Variants in NAALADL2 observed in about 807,000 individuals in gnomAD.
NAALADL2 encodes the protein inactive N-acetylated-alpha-linked acidic dipeptidase-like protein 2.
In NAALADL2, 76 loss-of-function variants were observed where a neutral mutation model predicts 87.2. The ratio of observed to expected loss-of-function variants is 0.87; its 90% CI spans 0.72 to 1.05. The LOEUF (loss-of-function observed/expected upper bound fraction) is 1.05. Ranked by LOEUF, NAALADL2 falls within the 50% of genes least tolerant of loss-of-function variation. The pLI is 0.00. For missense variants in NAALADL2, 1,089 were observed against 945.8 expected (o/e 1.15, Z -1.99); for synonymous variants, 354 against 331.0 (o/e 1.07, Z -0.75).
intron 2 of NAALADL2, among the ~76,000 whole-genome samples, chr3:175,184,644 G>T (rs1312059784): frequency 6.6e-6 from 1 of 151,970 alleles, no homozygotes; most frequent in Non-Finnish European, 1.5e-5. Context: ...GTGCTTTATA[G>T]ATTTTTGTAG....
chr3:175,316,959 T>C (rs1759220693), intron 4 of NAALADL2, among the ~76,000 whole-genome samples: 2 of 152,192 alleles, frequency 1.3e-5, no homozygotes, highest in Non-Finnish European at 2.9e-5. Context: ...GAGCCAAATT[T>C]GACAGCATTG....
chr3:174,450,397 G>T (rs756580440), intron 1 of NAALADL2, among the ~76,000 whole-genome samples: 7 of 152,176 alleles, frequency 4.6e-5, no homozygotes, highest in Non-Finnish European at 1.0e-4. Flanking sequence ...AGAGGATTTG[G>T]TTAATAGGAA....
At chr3:175,001,807 A>G (rs551622695) in intron 1 of NAALADL2, among the ~76,000 whole-genome samples, 14 of 152,258 alleles carry the variant, frequency 9.2e-5, no homozygotes, top group African/African-American at 3.4e-4. Flanking sequence ...TAAGCTGAAA[A>G]CCCCAAATCT....
chr3:175,535,301 G>T (rs1336672314), intron 9 of NAALADL2, among the ~76,000 whole-genome samples: 2 of 152,096 alleles, frequency 1.3e-5, no homozygotes, highest in African/African-American at 4.8e-5. Context: ...ATGTATTTTT[G>T]GAAAGATAGG....
At chr3:175,025,437 C>T (rs912592464) in intron 1 of NAALADL2, among the ~76,000 whole-genome samples, 4 of 152,074 alleles carry the variant, frequency 2.6e-5, no homozygotes, top group Non-Finnish European at 4.4e-5. Context: ...GTTACATGAA[C>T]CATCTGATTC....
chr3:175,601,848 A>T (rs1451884359), intron 10 of NAALADL2, among the ~76,000 whole-genome samples: 1 of 152,196 alleles, frequency 6.6e-6, no homozygotes, highest in African/African-American at 2.4e-5. Context: ...TTGAATAAAG[A>T]TATATGGCCA....
At chr3:175,370,532 A>G (rs1413094104) in intron 5 of NAALADL2, among the ~76,000 whole-genome samples, 12 of 152,076 alleles carry the variant, frequency 7.9e-5, no homozygotes, top group Non-Finnish European at 1.6e-4. Context: ...AAATAGCTTT[A>G]TTCATTTGCA....
At chr3:174,866,966 A>G (rs1372659961) in intron 1 of NAALADL2, among the ~76,000 whole-genome samples, 1 of 151,714 alleles carries the variant, frequency 6.6e-6, no homozygotes, top group African/African-American at 2.4e-5. Flanking sequence ...AAAACCCATA[A>G]TATTGTCTAT....
chr3:174,985,286 T>C (rs1257893418), intron 1 of NAALADL2, among the ~76,000 whole-genome samples: 6 of 152,210 alleles, frequency 3.9e-5, no homozygotes, highest in Non-Finnish European at 8.8e-5. Flanking sequence ...GCGGAAATGA[T>C]GTGAAAATGT....
At chr3:174,521,072 T>C (rs968990644) in intron 1 of NAALADL2, among the ~76,000 whole-genome samples, 2 of 152,118 alleles carry the variant, frequency 1.3e-5, no homozygotes, top group East Asian at 3.9e-4. Flanking sequence ...GGAATGTAAA[T>C]TAGTACAACC....
chr3:174,990,206 TCGAAA>T (rs1746525728), intron 1 of NAALADL2, among the ~76,000 whole-genome samples: 2 of 152,202 alleles, frequency 1.3e-5, no homozygotes, highest in Non-Finnish European at 2.9e-5. Context: ...TGGTTCTAAG[TCGAAA>T]CTATTGATAT....
At chr3:175,426,982 G>A (rs373639274) in intron 5 of NAALADL2, among the ~76,000 whole-genome samples, 62 of 152,246 alleles carry the variant, frequency 4.1e-4, no homozygotes, top group Middle Eastern at 6.8e-3. Context: ...GTTCACATAC[G>A]TAATGAGTTT....
At chr3:175,685,201 C>A (rs1351862398) in intron 11 of NAALADL2, among the ~76,000 whole-genome samples, 1 of 152,244 alleles carries the variant, frequency 6.6e-6, no homozygotes, top group Non-Finnish European at 1.5e-5. Context: ...TCCTTAAGTT[C>A]ATCAACCCTT....
At chr3:174,529,984 C>T (rs1351309989) in intron 1 of NAALADL2, among the ~76,000 whole-genome samples, 1 of 152,172 alleles carries the variant, frequency 6.6e-6, no homozygotes, top group East Asian at 1.9e-4. Context: ...TTTGGTTCCT[C>T]ATTACTTAAC....
chr3:175,652,548 G>A (rs566648263), intron 11 of NAALADL2, among the ~76,000 whole-genome samples: 3 of 144,822 alleles, frequency 2.1e-5, no homozygotes, highest in South Asian at 4.3e-4. Context: ...GTGCCATCTC[G>A]GCTCACTGCA....
intron 2 of NAALADL2, among the ~76,000 whole-genome samples, chr3:175,174,899 C>T (rs1284004654): frequency 6.6e-6 from 1 of 151,890 alleles, no homozygotes; most frequent in African/African-American, 2.4e-5. Flanking sequence ...CAGAGAACTA[C>T]ATTTAATATT....
At chr3:175,087,680 G>T (rs1719293291) in intron 1 of NAALADL2, among the ~76,000 whole-genome samples, 1 of 152,078 alleles carries the variant, frequency 6.6e-6, no homozygotes, top group Admixed American at 6.6e-5. Context: ...GGTGCAAGAT[G>T]TGCTTTGTTA....
At chr3:174,586,184 T>C (rs1438975214) in intron 2 of NAALADL2, among the ~76,000 whole-genome samples, 1 of 152,226 alleles carries the variant, frequency 6.6e-6, no homozygotes, top group African/African-American at 2.4e-5. Flanking sequence ...AATCATTTAT[T>C]TAGCACTGTT....
At chr3:174,833,225 G>T (rs549909598) in intron 3 of NAALADL2, among the ~76,000 whole-genome samples, 27 of 152,262 alleles carry the variant, frequency 1.8e-4, no homozygotes, top group African/African-American at 6.5e-4. Flanking sequence ...TAAAAAATGA[G>T]AAATGTCAAG....
Sources: allele counts gnomAD v4.1 joint callset (sites outside exome capture counted in the v4.1 genomes callset), GRCh38; gene constraint gnomAD v4.1.1; transcripts MANE v1.5; gene names NCBI Gene and HGNC (gene_info 2026-07-23, HGNC 2026-07-21).